Variants in GTSE1 observed in about 807,000 individuals in gnomAD.
GTSE1 encodes G2 and S-phase expressed 1.
GTSE1 carries 52 observed loss-of-function variants against 60.5 expected under a neutral mutation model. The observed-to-expected ratio is 0.86, with a 90% CI of 0.69 to 1.08. GTSE1 has a LOEUF of 1.08. Among genes scored for constraint, GTSE1 ranks in the 50% least tolerant of loss-of-function variants. GTSE1 has a pLI of 0.00. For synonymous variants in GTSE1, 368 were observed against 386.5 expected (o/e 0.95, Z 0.56); for missense variants, 937 against 961.8 (o/e 0.97, Z 0.34).
At chr22:46,300,634 A>G (rs547171143) in intron 2 of GTSE1, among the ~76,000 whole-genome samples, 6 of 152,266 alleles carry the variant, frequency 3.9e-5, no homozygotes, top group African/African-American at 1.4e-4. Context: ...GGTGGGCTGC[A>G]TGTACCCCAA....
In GTSE1 at chr22:46,316,193, C is replaced by G. The variant is rs2077778783; in HGVS notation, c.1213C>G (p.Leu405Val). 6.2e-7 allele frequency: 1 copy of G among 1,613,648 alleles called. No homozygotes were observed. Among genetic ancestry groups the G allele is most frequent in the East Asian group, 2.2e-5 (1 of 44,892 alleles). ...WQAKRVDVSE[L>V]AAEQLTAPPS... Reference sequence around the variant, plus strand: ...GGCCAAGCGGGTCGATGTTTCTGAGCTGGCAGCGGAGCAGCTCACGGCACC... The same window carrying G: ...GGCCAAGCGGGTCGATGTTTCTGAGGTGGCAGCGGAGCAGCTCACGGCACC... Residue 405 changes from leucine to valine, a missense_variant, in exon 7 of 12, where the codon CTG becomes GTG. Coordinates refer to ENST00000454366, the MANE Select transcript of GTSE1 (RefSeq NM_016426.7). This position sits in a 1 kb window ranked among gnomAD's most constrained non-coding sequence, Gnocchi z 5.0.
chr22:46,305,211 A>G (rs1001154176), intron 2 of GTSE1, among the ~76,000 whole-genome samples: 10 of 152,208 alleles, frequency 6.6e-5, no homozygotes, highest in African/African-American at 2.4e-4. Flanking sequence ...TTTGAAGAGG[A>G]TAGCTCTTTA....
chr22:46,313,097 A>G lies in GTSE1; in HGVS notation c.927+792A>G, dbSNP rs1277311461. 6.6e-6 allele frequency among the ~76,000 whole-genome samples: 1 copy of G among 150,894 alleles called. No homozygotes were observed. Among genetic ancestry groups the G allele is most frequent in the African/African-American group, 2.4e-5 (1 of 41,080 alleles). ...AGGATTGCTTGAGCCCAGGAGGTCA[A>G]GGCTGCAGTGAGCTGTGATCATGCC... On this transcript the variant is annotated intron_variant, in intron 5 of 11. Coordinates refer to ENST00000454366, the MANE Select transcript of GTSE1 (RefSeq NM_016426.7). The surrounding 1 kb of genome is among the most constrained non-coding windows in gnomAD (Gnocchi z 4.4).
At position 46,317,582 on chromosome 22, in the gene GTSE1, G is replaced by T. The variant is rs912149751; in HGVS notation, c.1432+1170G>T. Among the ~76,000 whole-genome samples, 11 of 152,156 alleles carry T rather than the reference G, an allele frequency of 7.2e-5. No individual in the cohort carries two copies. The highest frequency in any genetic ancestry group is 2.4e-4 in the African/African-American group (10 of 41,426). ...TTTCACAAGTTTTTCTTGGTTGTTG[G>T]ATATTGTCAGGTGTACACTTTTGAA... On this transcript the variant is annotated intron_variant, in intron 7 of 11. Coordinates refer to ENST00000454366, the MANE Select transcript of GTSE1 (RefSeq NM_016426.7). The surrounding 1 kb of genome is among the most constrained non-coding windows in gnomAD (Gnocchi z 5.6).
chr22:46,302,962 T>C (rs9626850), intron 2 of GTSE1, among the ~76,000 whole-genome samples: 5,226 of 149,828 alleles, frequency 0.035, 318 homozygotes, highest in African/African-American at 0.12. Flanking sequence ...TGCAGTGGCG[T>C]GATCTTGGCT....
chr22:46,299,366 G>A (rs765326235), intron 2 of GTSE1, among the ~76,000 whole-genome samples: 21 of 152,228 alleles, frequency 1.4e-4, no homozygotes, highest in Non-Finnish European at 2.8e-4. Context: ...CCTCTCCTCC[G>A]AGCTCTGGGC....
chr22:46,299,271 G>T (rs60266439), intron 2 of GTSE1, among the ~76,000 whole-genome samples: 6,607 of 152,318 alleles, frequency 0.043, 230 homozygotes, highest in Non-Finnish European at 0.06. Context: ...ACCGCTTTGT[G>T]CTTTCGCCCT....
chr22:46,327,837 G>T (rs1359467027), intron 9 of GTSE1, among the ~76,000 whole-genome samples: 1 of 152,210 alleles, frequency 6.6e-6, no homozygotes, highest in East Asian at 1.9e-4. Flanking sequence ...GAAGACTCTG[G>T]AAGAAAATAT....
At chr22:46,301,860 G>A (rs1187970155) in intron 2 of GTSE1, among the ~76,000 whole-genome samples, 7 of 152,172 alleles carry the variant, frequency 4.6e-5, no homozygotes, top group African/African-American at 1.4e-4. Context: ...CAGGTGCGGT[G>A]GCTTGCGCCT....
Position 46,309,007 on chromosome 22 carries a change from A to G in GTSE1, c.762+64A>G. ...ACTCCTTGCCCCTCAGCCCTCTCAC[A>G]GAAGCCACATGCGGAAAGCCTCAGA... On this transcript the variant is annotated intron_variant, in intron 4 of 11. Transcript: ENST00000454366. The surrounding 1 kb of genome is among the most constrained non-coding windows in gnomAD (Gnocchi z 6.2). The G allele has an allele frequency of 6.6e-7, 1 of 1,522,014 alleles. No homozygotes were observed. The highest frequency in any genetic ancestry group is 8.8e-7 in the Non-Finnish European group (1 of 1,130,562). The allele number at this position is 1,522,014 out of a possible 1,614,324, so 94.3% of individuals were successfully genotyped here.
intron 2 of GTSE1, among the ~76,000 whole-genome samples, 174 bp from the exon 3 acceptor site, chr22:46,307,976 G>GA (rs1187044028): frequency 1.3e-5 from 2 of 152,100 alleles, no homozygotes; most frequent in African/African-American, 4.8e-5. Context: ...TTTTAAAAAG[G>GA]AAAAAATATA....
chr22:46,307,046 C>T (rs2077719234), intron 2 of GTSE1, among the ~76,000 whole-genome samples: 1 of 152,088 alleles, frequency 6.6e-6, no homozygotes, highest in Non-Finnish European at 1.5e-5. Flanking sequence ...ACTGCGGGAG[C>T]CTTGCGGGGA....
chr22:46,297,374 C>G lies in GTSE1; in HGVS notation c.-21-6C>G. 1 of 1,555,586 alleles carries G rather than the reference C, an allele frequency of 6.4e-7. No homozygotes were observed. The highest frequency in any genetic ancestry group is 1.1e-5 in the South Asian group (1 of 89,952). ...ACTCACTTTCTGGCCCCGTTCCACC[C>G]TGCAGTGACTTCTGACAGCTCTCTC... On this transcript the variant is annotated splice_polypyrimidine_tract_variant and splice_region_variant and intron_variant, in intron 1 of 11. Transcript: ENST00000454366. The surrounding 1 kb of genome is among the most constrained non-coding windows in gnomAD (Gnocchi z 4.9).
Position 46,317,086 on chromosome 22 carries a change from C to T in GTSE1, c.1432+674C>T, listed in dbSNP as rs889912929. On this transcript the variant is annotated intron_variant, in intron 7 of 11. Transcript: ENST00000454366. This position sits in a 1 kb window ranked among gnomAD's most constrained non-coding sequence, Gnocchi z 5.6. Reference sequence around the variant, plus strand: ...AAGCAATTCTCCTGCCTCAGCCTCCCGAGTAGCTGGGATTACAGGTGCCCA... The same window carrying T: ...AAGCAATTCTCCTGCCTCAGCCTCCTGAGTAGCTGGGATTACAGGTGCCCA... Among the ~76,000 whole-genome samples, 5 of 152,120 alleles carry T rather than the reference C, an allele frequency of 3.3e-5. No homozygotes were observed. Among genetic ancestry groups the T allele is most frequent in the Admixed American group, 1.3e-4 (2 of 15,270 alleles).
chr22:46,301,485 T>TG (rs397806472), intron 2 of GTSE1, among the ~76,000 whole-genome samples: 1 of 258 alleles, frequency 3.9e-3, no homozygotes, highest in Non-Finnish European at 8.2e-3. Flanking sequence ...TTATTTTTAA[T>TG]ACTTTTTTTT....
chr22:46,316,361 A>T lies in GTSE1; in HGVS notation c.1381A>T (p.Lys461Ter). Residue 461 changes from lysine (K) to a stop codon, truncating the protein, a stop_gained, in exon 7 of 12, where the codon AAG (lysine) becomes TAG (stop). Coordinates refer to ENST00000454366, the MANE Select transcript of GTSE1 (RefSeq NM_016426.7). LOFTEE classifies it high-confidence loss of function. The surrounding 1 kb of genome is among the most constrained non-coding windows in gnomAD (Gnocchi z 5.0). ...AGATTCCTGTCTAAATTCCAAGACAAAGGTTATGCCTACTCCTACAAATCA... is the reference window on the plus strand; with the variant it reads ...AGATTCCTGTCTAAATTCCAAGACATAGGTTATGCCTACTCCTACAAATCA... ...RRDSCLNSKT[K>*]VMPTPTNQFK... 3 of 1,610,068 alleles carry T rather than the reference A, an allele frequency of 1.9e-6. No individual in the cohort carries two copies. The highest frequency in any genetic ancestry group is 2.6e-6 in the Non-Finnish European group (3 of 1,176,334).
Position 46,314,963 on chromosome 22 carries a change from A to C in GTSE1, c.1051+950A>C, listed in dbSNP as rs933661306. Among the ~76,000 whole-genome samples, 1 of 151,836 alleles carries C rather than the reference A, an allele frequency of 6.6e-6. No individual in the cohort carries two copies. Among genetic ancestry groups the C allele is most frequent in the African/African-American group, 2.4e-5 (1 of 41,308 alleles). On this transcript the variant is annotated intron_variant, in intron 6 of 11. Coordinates refer to ENST00000454366, the MANE Select transcript of GTSE1 (RefSeq NM_016426.7). This position sits in a 1 kb window ranked among gnomAD's most constrained non-coding sequence, Gnocchi z 7.1. The stretch of plus-strand genomic sequence containing the variant: ...GAGGTTTGTGTCCTTATCTTTATAG[A>C]CTGAGGTGATGACCTCCTGAGATCA...
rs2077796609 is a variant in GTSE1 at position 46,318,977 on chromosome 22, C to T, written c.1432+2565C>T. Among the ~76,000 whole-genome samples the T allele has an allele frequency of 6.6e-6, 1 of 152,316 alleles. No individual in the cohort carries two copies. Among genetic ancestry groups the T allele is most frequent in the Admixed American group, 6.5e-5 (1 of 15,296 alleles). On this transcript the variant is annotated intron_variant, in intron 7 of 11. Transcript: ENST00000454366. This position sits in a 1 kb window ranked among gnomAD's most constrained non-coding sequence, Gnocchi z 4.8. ...AATCCCCACCTTTCAAGGACCCTCA[C>T]TGCAAGTTGTCCCTGTGACTCCGTT...
chr22:46,325,442 C>T (rs376783511), intron 8 of GTSE1, among the ~76,000 whole-genome samples: 3 of 152,108 alleles, frequency 2.0e-5, no homozygotes, highest in Non-Finnish European at 4.4e-5. Flanking sequence ...GTGATCCACC[C>T]GCCTCGGCCT....
Sources: gnomAD v4.1 joint callset for allele counts (sites outside exome capture counted in the v4.1 genomes callset) on GRCh38, gnomAD v4.1.1 for gene constraint, Gnocchi (gnomAD v3.1) non-coding constraint, MANE v1.5 for transcripts, NCBI Gene and HGNC (gene_info 2026-07-23, HGNC 2026-07-21) for gene names.